Variants in TGFBR2 observed in about 807,000 individuals in gnomAD.
TGFBR2 encodes the protein TGF-beta receptor type-2.
TGFBR2 carries 18 observed loss-of-function variants against 49.0 expected under a neutral mutation model. The observed-to-expected ratio is 0.37, with a 90% CI of 0.25 to 0.54. The LOEUF (loss-of-function observed/expected upper bound fraction) is 0.54. Ranked by LOEUF, TGFBR2 falls within the 20% of genes least tolerant of loss-of-function variation. The probability of loss-of-function intolerance (pLI) is 0.85; values close to 1 mark genes in which losing one functional copy is unlikely to be tolerated. For synonymous variants in TGFBR2, 282 were observed against 275.9 expected, an observed-to-expected ratio of 1.02 and a Z score of -0.22; for missense variants, 525 against 722.6, an observed-to-expected ratio of 0.73 and a Z score of 3.13.
intron 3 of TGFBR2, among the ~76,000 whole-genome samples, chr3:30,669,108 T>A (rs1490134314): frequency 6.1e-5 from 4 of 65,474 alleles, no homozygotes; most frequent in Non-Finnish European, 2.6e-5. Context: ...AAACCCCGTC[T>A]CCACTAAAAA....
Position 30,606,620 on chromosome 3 carries a change from C to A in TGFBR2, c.-264C>A. On this transcript the variant is annotated 5_prime_UTR_variant, in exon 1 of 7. Coordinates refer to ENST00000295754, the MANE Select transcript of TGFBR2 (RefSeq NM_003242.6). ...TGAGTCACTCGCGCGCACGGAGCGA[C>A]GACACCCCCGCGCGTGCACCCGCTC... 2.8e-6 allele frequency: 1 copy of A among 357,978 alleles called. No homozygotes were observed. Among genetic ancestry groups the A allele is most frequent in the East Asian group, 3.9e-5 (1 of 25,868 alleles). 22.2% of individuals were successfully genotyped at this position (357,978 alleles called of 1,614,324 possible).
intron 6 of TGFBR2, among the ~76,000 whole-genome samples, chr3:30,689,081 G>A (rs540420995): frequency 6.6e-6 from 1 of 152,326 alleles, no homozygotes; most frequent in Non-Finnish European, 1.5e-5. Context: ...AAGCAAAGAA[G>A]AGGAGAATGC....
chr3:30,669,618 T>C (rs1699304673), intron 3 of TGFBR2, among the ~76,000 whole-genome samples: 1 of 152,148 alleles, frequency 6.6e-6, no homozygotes. Context: ...ATTATGCAAA[T>C]GGGCTTTCCA....
In TGFBR2 at chr3:30,688,221, TTCTTA is replaced by T. The variant is rs1279882821; in HGVS notation, c.1397-157_1397-153del. Reference sequence around the variant, plus strand: ...TAGCCCTTCCCCAACCACTCCTTCCTTCTTATCTTAGCCATTATTATTAAAATTTG... The same window carrying T: ...TAGCCCTTCCCCAACCACTCCTTCCTTCTTAGCCATTATTATTAAAATTTG... On this transcript the variant is annotated intron_variant, in intron 5 of 6. Transcript: ENST00000295754. Among the ~76,000 whole-genome samples the T allele has an allele frequency of 6.6e-6, 1 of 152,260 alleles. No individual in the cohort carries two copies. The highest frequency in any genetic ancestry group is 1.5e-5 in the Non-Finnish European group (1 of 68,046).
At chr3:30,667,288 C>T (rs1185371251) in intron 3 of TGFBR2, among the ~76,000 whole-genome samples, 4 of 152,152 alleles carry the variant, frequency 2.6e-5, no homozygotes, top group African/African-American at 7.2e-5. Context: ...TGTTGGTCTT[C>T]GACTAAAGGA....
intron 3 of TGFBR2, 144 bp from the exon 4 acceptor site, chr3:30,671,494 C>A: frequency 1.2e-6 from 1 of 821,514 alleles, no homozygotes; most frequent in Admixed American, 2.3e-5. Flanking sequence ...GCACTTGCAT[C>A]CCTGAAATAA....
intron 1 of TGFBR2, among the ~76,000 whole-genome samples, chr3:30,635,484 T>A (rs1442049222): frequency 2.0e-5 from 3 of 152,216 alleles, no homozygotes; most frequent in Non-Finnish European, 4.4e-5. Context: ...TTGGGGCTGG[T>A]AAGTGTTAAA....
intron 1 of TGFBR2, among the ~76,000 whole-genome samples, chr3:30,627,331 A>G (rs1698351718): frequency 6.6e-6 from 1 of 152,086 alleles, no homozygotes; most frequent in South Asian, 2.1e-4. Flanking sequence ...GAGATGCACC[A>G]TCGTTTGGAA....
intron 3 of TGFBR2, among the ~76,000 whole-genome samples, chr3:30,653,543 C>T (rs994667244): frequency 1.1e-4 from 17 of 152,128 alleles, no homozygotes; most frequent in African/African-American, 4.1e-4. Context: ...TGAGCCACCA[C>T]ACCCGGCCAG....
intron 1 of TGFBR2, among the ~76,000 whole-genome samples, chr3:30,614,102 CT>C (rs1698086686): frequency 7.4e-6 from 1 of 134,424 alleles, no homozygotes; most frequent in African/African-American, 2.8e-5. Flanking sequence ...TAGCTCTATA[CT>C]TTTTTTCTTT....
At chr3:30,631,621 C>CTTTTTTTTTTTTTT (rs71093918) in intron 1 of TGFBR2, among the ~76,000 whole-genome samples, 9 of 115,380 alleles carry the variant, frequency 7.8e-5, no homozygotes, top group Non-Finnish European at 1.1e-4. Flanking sequence ...CAACTTCTTT[C>CTTTTTTTTTTTTTT]TTTTTTTTTT....
chr3:30,674,648 A>G (rs778033157), intron 5 of TGFBR2, among the ~76,000 whole-genome samples: 1 of 152,174 alleles, frequency 6.6e-6, no homozygotes, highest in Non-Finnish European at 1.5e-5. Context: ...TATGTCTGGG[A>G]AAAAGATTTG....
At chr3:30,607,249 G>T (rs1000696825) in intron 1 of TGFBR2, among the ~76,000 whole-genome samples, 2 of 152,226 alleles carry the variant, frequency 1.3e-5, no homozygotes, top group African/African-American at 4.8e-5. Context: ...GGCCGCGTTC[G>T]AGGCGAGCCC....
chr3:30,664,655 T>TGCGCACACACATGCACAGGCGCGTGC (rs1699212858), intron 3 of TGFBR2, among the ~76,000 whole-genome samples: 1 of 152,232 alleles, frequency 6.6e-6, no homozygotes, highest in Non-Finnish European at 1.5e-5. Context: ...AGTATGCATG[T>TGCGCACACACATGCACAGGCGCGTGC]GCGCACACAC....
chr3:30,678,425 G>A (rs1429051415), intron 5 of TGFBR2, among the ~76,000 whole-genome samples: 1 of 151,900 alleles, frequency 6.6e-6, no homozygotes, highest in Non-Finnish European at 1.5e-5. Flanking sequence ...GCAGGCGCCT[G>A]TAGTCCCAGC....
chr3:30,634,929 T>A (rs1312583056), intron 1 of TGFBR2, among the ~76,000 whole-genome samples: 2 of 152,342 alleles, frequency 1.3e-5, no homozygotes, highest in East Asian at 3.9e-4. Flanking sequence ...TTAACTTTTT[T>A]AACTGGCTTC....
chr3:30,634,012 T>C (rs1698483803), intron 1 of TGFBR2, among the ~76,000 whole-genome samples: 1 of 152,206 alleles, frequency 6.6e-6, no homozygotes, highest in Admixed American at 6.5e-5. Flanking sequence ...AAATCATCTG[T>C]TTTGACCAAT....
At chr3:30,643,806 G>A (rs1192175765) in intron 1 of TGFBR2, among the ~76,000 whole-genome samples, 1 of 152,206 alleles carries the variant, frequency 6.6e-6, no homozygotes, top group Non-Finnish European at 1.5e-5. Context: ...GATAGTTTGT[G>A]CAGACAATAA....
chr3:30,618,877 C>T (rs1575131621), intron 1 of TGFBR2, among the ~76,000 whole-genome samples: 1 of 152,106 alleles, frequency 6.6e-6, no homozygotes, highest in East Asian at 1.9e-4. Flanking sequence ...CCACTGTAGG[C>T]TTTTTCATTG....
Sources: gnomAD v4.1 joint callset for allele counts (sites outside exome capture counted in the v4.1 genomes callset) on GRCh38, gnomAD v4.1.1 for gene constraint, MANE v1.5 for transcripts, NCBI Gene and HGNC (gene_info 2026-07-23, HGNC 2026-07-21) for gene names.